MYO16: variants seen among roughly 807,000 people sequenced by gnomAD.
MYO16 encodes the protein unconventional myosin-XVI.
In MYO16, 94 loss-of-function variants were observed where a neutral mutation model predicts 205.3. The ratio of observed to expected loss-of-function variants is 0.46; its 90% CI spans 0.39 to 0.54. The LOEUF is 0.54. MYO16 is among the 20% of genes least tolerant of loss of function. The pLI, the probability that MYO16 is intolerant of heterozygous loss-of-function variation, is 0.00. For synonymous variants in MYO16, 988 were observed against 954.0 expected, an observed-to-expected ratio of 1.04 and a Z score of -0.66; for missense variants, 2,315 against 2,387.5, an observed-to-expected ratio of 0.97 and a Z score of 0.63.
At chr13:109,034,630 C>A (rs569411651) in intron 23 of MYO16, among the ~76,000 whole-genome samples, 81 of 152,244 alleles carry the variant, frequency 5.3e-4, no homozygotes, top group African/African-American at 1.9e-3. Flanking sequence ...CAACATGTAA[C>A]ATATTTTACA....
intron 16 of MYO16, among the ~76,000 whole-genome samples, chr13:108,916,517 T>C (rs759594000): frequency 3.9e-5 from 6 of 152,368 alleles, no homozygotes; most frequent in Admixed American, 1.3e-4. Context: ...TTATTTTGCA[T>C]TGCTGAAGCA....
chr13:108,654,447 G>T (rs1881152277), intron 1 of MYO16, among the ~76,000 whole-genome samples: 1 of 152,168 alleles, frequency 6.6e-6, no homozygotes, highest in South Asian at 2.1e-4. Context: ...TGATTCTGAG[G>T]CGTCCCCAGC....
At chr13:108,812,440 T>C (rs1290894079) in intron 7 of MYO16, among the ~76,000 whole-genome samples, 1 of 152,260 alleles carries the variant, frequency 6.6e-6, no homozygotes, top group East Asian at 1.9e-4. Flanking sequence ...TAATGATCAC[T>C]GAATAAATGT....
intron 12 of MYO16, among the ~76,000 whole-genome samples, chr13:108,868,278 T>C (rs767878934): frequency 1.4e-3 from 217 of 152,348 alleles, no homozygotes; most frequent in Non-Finnish European, 2.2e-3. Context: ...AAATTCTAGT[T>C]GCTTCTCTTC....
chr13:109,182,551 TCTAC>T (rs1879500674), intron 34 of MYO16, among the ~76,000 whole-genome samples: 1 of 152,194 alleles, frequency 6.6e-6, no homozygotes, highest in Admixed American at 6.5e-5. Flanking sequence ...CAATGAAGCC[TCTAC>T]CTGCCTGAGA....
intron 2 of MYO16, among the ~76,000 whole-genome samples, chr13:108,692,290 C>A (rs568156767): frequency 2.0e-5 from 3 of 152,046 alleles, no homozygotes; most frequent in African/African-American, 7.2e-5. Context: ...GTCCTCAGCA[C>A]TTTTGAAACT....
At chr13:109,150,332 C>A (rs1220259886) in intron 32 of MYO16, among the ~76,000 whole-genome samples, 1 of 152,148 alleles carries the variant, frequency 6.6e-6, no homozygotes, top group East Asian at 1.9e-4. Flanking sequence ...CACAGCCCCT[C>A]AATAAATATT....
At chr13:108,553,865 A>C in the MYO16 span, among the ~76,000 whole-genome samples, 1 of 151,962 alleles carries the variant, frequency 6.6e-6, no homozygotes, top group African/African-American at 2.4e-5. Flanking sequence ...TTACCTCCTC[A>C]TGTCATCTTC....
Position 109,055,321 on chromosome 13 carries a change from A to T in MYO16, c.3130-69A>T, listed in dbSNP as rs1887381091. 21 of 1,328,242 alleles carry T rather than the reference A, an allele frequency of 1.6e-5. No individual in the cohort carries two copies. In the South Asian group the frequency reaches 2.7e-4, roughly 17 times the overall value. 82.3% of individuals were successfully genotyped at this position (1,328,242 alleles called of 1,614,324 possible). A position where few individuals can be genotyped will look rare whatever the true frequency, so the allele number is the denominator to read the frequency against. ...TTAAAGACGTAAAGACTTTTTATTT[A>T]AAAACTGCTTTATATTTTTAGCTAG... On this transcript the variant is annotated intron_variant, in intron 26 of 34. Transcript: ENST00000457511. The surrounding 1 kb of genome is among the most constrained non-coding windows in gnomAD (Gnocchi z 5.0).
At chr13:108,938,209 A>C (rs1882576397) in intron 16 of MYO16, among the ~76,000 whole-genome samples, 1 of 151,910 alleles carries the variant, frequency 6.6e-6, no homozygotes, top group Non-Finnish European at 1.5e-5. Context: ...TTTTTTTGGC[A>C]GGTTTTATGC....
intron 2 of MYO16, among the ~76,000 whole-genome samples, chr13:108,685,858 G>A (rs957350426): frequency 1.3e-5 from 2 of 152,180 alleles, no homozygotes; most frequent in Non-Finnish European, 2.9e-5. Context: ...GTCCTTGTGT[G>A]TCTGGGTCCT....
At chr13:108,739,208 T>G (rs1454172615) in intron 4 of MYO16, among the ~76,000 whole-genome samples, 2 of 152,218 alleles carry the variant, frequency 1.3e-5, no homozygotes, top group Non-Finnish European at 2.9e-5. Context: ...TGCTCATTAG[T>G]TGATGCAGTT....
At chr13:108,938,475 G>C (rs994825227) in intron 16 of MYO16, among the ~76,000 whole-genome samples, 1 of 152,214 alleles carries the variant, frequency 6.6e-6, no homozygotes, top group Non-Finnish European at 1.5e-5. Context: ...AATGCTAAGG[G>C]AGAATCCAGT....
At chr13:108,737,239 G>A (rs1484528795) in intron 4 of MYO16, among the ~76,000 whole-genome samples, 1 of 152,112 alleles carries the variant, frequency 6.6e-6, no homozygotes, top group Non-Finnish European at 1.5e-5. Context: ...AATGCTTCTA[G>A]TTTTTGCCCA....
intron 3 of MYO16, among the ~76,000 whole-genome samples, chr13:108,713,593 T>G (rs529898873): frequency 1.3e-5 from 2 of 152,320 alleles, no homozygotes; most frequent in East Asian, 3.9e-4. Flanking sequence ...GGGATGTAGC[T>G]TGACCGCTGG....
chr13:108,791,595 C>T (rs2138939538), intron 5 of MYO16, among the ~76,000 whole-genome samples: 1 of 152,260 alleles, frequency 6.6e-6, no homozygotes, highest in South Asian at 2.1e-4. Flanking sequence ...TTGATACACA[C>T]AGCACTAACA....
intron 4 of MYO16, among the ~76,000 whole-genome samples, chr13:108,775,639 A>T (rs146045874): frequency 3.3e-3 from 508 of 152,242 alleles, no homozygotes; most frequent in African/African-American, 0.011. Flanking sequence ...CATTTGGATG[A>T]AGTCTTGCTT....
At chr13:109,076,432 A>C (rs1888106166) in intron 27 of MYO16, among the ~76,000 whole-genome samples, 1 of 152,160 alleles carries the variant, frequency 6.6e-6, no homozygotes. Context: ...TGGTGTGTTC[A>C]CCATGGCCTG....
intron 5 of MYO16, among the ~76,000 whole-genome samples, chr13:108,786,102 G>T (rs927266270): frequency 2.0e-5 from 3 of 152,216 alleles, no homozygotes; most frequent in African/African-American, 7.2e-5. Context: ...TGAGAACAAG[G>T]TCATCTGAAG....
Sources: gnomAD v4.1 joint callset for allele counts (sites outside exome capture counted in the v4.1 genomes callset) on GRCh38, gnomAD v4.1.1 for gene constraint, Gnocchi (gnomAD v3.1) non-coding constraint, MANE v1.5 for transcripts, NCBI Gene and HGNC (gene_info 2026-07-23, HGNC 2026-07-21) for gene names.